Variants in GRIP1 observed in about 807,000 individuals in gnomAD.
GRIP1 encodes glutamate receptor-interacting protein 1.
GRIP1 carries 45 observed loss-of-function variants against 129.9 expected under a neutral mutation model. That is an observed-to-expected ratio of 0.35 (90% CI 0.27 to 0.44). The LOEUF is 0.44. Ranked by LOEUF, GRIP1 falls within the 20% of genes least tolerant of loss-of-function variation. GRIP1 has a pLI of 1.00. For synonymous variants in GRIP1, 530 were observed against 520.8 expected (o/e 1.02, Z -0.24); for missense variants, 1,196 against 1,396.8 (o/e 0.86, Z 2.29).
chr12:66,466,706 T>C (rs964797763), intron 7 of GRIP1, among the ~76,000 whole-genome samples: 5 of 152,208 alleles, frequency 3.3e-5, no homozygotes, highest in Non-Finnish European at 7.3e-5. Context: ...GTTATACATA[T>C]AGGATATTTT....
chr12:67,032,223 T>A (rs190408656), intron 1 of GRIP1, among the ~76,000 whole-genome samples: 8 of 152,364 alleles, frequency 5.3e-5, no homozygotes, highest in Admixed American at 2.6e-4. Flanking sequence ...TTCTTTTCCC[T>A]GTAGAAGCTT....
At chr12:66,399,972 A>G (rs2056926456) in intron 16 of GRIP1, among the ~76,000 whole-genome samples, 1 of 151,974 alleles carries the variant, frequency 6.6e-6, no homozygotes, top group Admixed American at 6.5e-5. Context: ...ACAATGATAT[A>G]CCAAGAGATG....
intron 24 of GRIP1, among the ~76,000 whole-genome samples, 179 bp from the exon 25 acceptor site, chr12:66,349,425 C>G (rs1399037081): frequency 6.6e-6 from 1 of 152,166 alleles, no homozygotes; most frequent in Non-Finnish European, 1.5e-5. Flanking sequence ...CCATTGTCTG[C>G]TAGTAAATTG....
At chr12:67,037,272 G>C (rs1344486446) in intron 1 of GRIP1, 3 of 151,502 alleles carry the variant, frequency 2.0e-5, no homozygotes, top group Non-Finnish European at 1.5e-5. Flanking sequence ...ACCTTGCAGT[G>C]AGCCGAGATT....
chr12:66,543,862 T>A (rs1455159062), intron 2 of GRIP1, among the ~76,000 whole-genome samples: 1 of 152,186 alleles, frequency 6.6e-6, no homozygotes, highest in Non-Finnish European at 1.5e-5. Context: ...TAGTTTTTTT[T>A]AAGTGCTTAT....
chr12:66,459,061 T>G (rs926108448), intron 9 of GRIP1, among the ~76,000 whole-genome samples: 1 of 152,266 alleles, frequency 6.6e-6, no homozygotes, highest in African/African-American at 2.4e-5. Context: ...TTTGTCTGTC[T>G]GTACTAGAAT....
chr12:66,774,307 G>T (rs953498091), intron 1 of GRIP1, among the ~76,000 whole-genome samples: 5 of 152,132 alleles, frequency 3.3e-5, no homozygotes, highest in African/African-American at 1.2e-4. Flanking sequence ...CTATGAAAAT[G>T]CTCTGAAAAC....
intron 23 of GRIP1, among the ~76,000 whole-genome samples, chr12:66,369,574 T>C (rs1188336261): frequency 5.3e-5 from 8 of 152,172 alleles, no homozygotes; most frequent in Admixed American, 4.6e-4. Flanking sequence ...GTCTATCCTG[T>C]ATAAGTGAGG....
intron 1 of GRIP1, among the ~76,000 whole-genome samples, chr12:66,789,390 A>G (rs1054002176): frequency 1.2e-4 from 19 of 152,190 alleles, no homozygotes; most frequent in African/African-American, 4.6e-4. Flanking sequence ...TTAAATTTTC[A>G]GTGCTTTTGT....
At chr12:66,986,010 G>A (rs2042305914) in intron 1 of GRIP1, among the ~76,000 whole-genome samples, 1 of 152,114 alleles carries the variant, frequency 6.6e-6, no homozygotes, top group Non-Finnish European at 1.5e-5. Flanking sequence ...CTTGAGATAT[G>A]CTGTTCTCCA....
At chr12:66,858,381 G>A (rs1470112078) in intron 1 of GRIP1, among the ~76,000 whole-genome samples, 1 of 151,874 alleles carries the variant, frequency 6.6e-6, no homozygotes, top group Non-Finnish European at 1.5e-5. Flanking sequence ...AAATTAAGAT[G>A]AAAGTGAATC....
chr12:66,394,200 A>C lies in GRIP1; in HGVS notation c.2129+8T>G. 1 of 1,613,388 alleles carries C rather than the reference A, an allele frequency of 6.2e-7. No homozygotes were observed. ...ACAGGTAATTATAACAGTTACTTCA[A>C]ATTTTACCTTTCAGCTAATCCCCCT... On this transcript the variant is annotated splice_region_variant and intron_variant, in intron 17 of 24. Transcript: ENST00000359742.
At chr12:67,060,099 T>C (rs1161945367) in intron 1 of GRIP1, among the ~76,000 whole-genome samples, 1 of 152,216 alleles carries the variant, frequency 6.6e-6, no homozygotes, top group African/African-American at 2.4e-5. Flanking sequence ...TAGATCTGCA[T>C]GTAACCTAAT....
chr12:66,706,976 C>T (rs2035551103), intron 1 of GRIP1, among the ~76,000 whole-genome samples: 1 of 117,384 alleles, frequency 8.5e-6, no homozygotes, highest in African/African-American at 2.9e-5. Flanking sequence ...CCCATGTATC[C>T]CTTTTTTTTT....
rs373500894 is a variant in GRIP1 at position 66,678,810 on chromosome 12, C to T, written c.55+40G>A. ...ATTAAACTGTGTTTATAGGATACTG[C>T]AACAGACTCGCTGAGGGAATAACAA... On this transcript the variant is annotated intron_variant, in intron 1 of 24. Coordinates refer to ENST00000359742, the MANE Select transcript of GRIP1 (RefSeq NM_001366722.1). 5.1e-6 allele frequency: 8 copies of T among 1,582,768 alleles called. No individual in the cohort carries two copies. In the African/African-American group the frequency reaches 1.1e-4, roughly 21 times the overall value.
intron 7 of GRIP1, among the ~76,000 whole-genome samples, chr12:66,479,547 G>T (rs751608266): frequency 6.6e-6 from 1 of 152,076 alleles, no homozygotes; most frequent in Non-Finnish European, 1.5e-5. Context: ...AGGAAAAGAG[G>T]GACTCCTCCC....
intron 1 of GRIP1, among the ~76,000 whole-genome samples, chr12:66,901,408 C>A (rs1232670343): frequency 7.9e-5 from 12 of 152,260 alleles, no homozygotes; most frequent in African/African-American, 2.9e-4. Context: ...GTGGACACAT[C>A]TGGTGGAAAG....
At chr12:66,404,997 A>G (rs2137647914) in intron 16 of GRIP1, among the ~76,000 whole-genome samples, 1 of 152,250 alleles carries the variant, frequency 6.6e-6, no homozygotes, top group Middle Eastern at 3.4e-3. Context: ...GCGCCACTGC[A>G]CTCCATGGCA....
At chr12:66,940,175 G>A (rs1016150084) in intron 1 of GRIP1, among the ~76,000 whole-genome samples, 6 of 151,868 alleles carry the variant, frequency 4.0e-5, no homozygotes, top group Non-Finnish European at 8.8e-5. Flanking sequence ...TGTGTTTGGA[G>A]CTCATGCCGG....
Sources: gnomAD v4.1 joint callset for allele counts (sites outside exome capture counted in the v4.1 genomes callset) on GRCh38, gnomAD v4.1.1 for gene constraint, MANE v1.5 for transcripts, NCBI Gene and HGNC (gene_info 2026-07-23, HGNC 2026-07-21) for gene names.